The following RSPO4 variants were observed in gnomAD, a reference collection of about 807,000 sequenced individuals.
The protein encoded by RSPO4 is R-spondin-4.
A neutral mutation model predicts 24.8 loss-of-function variants in RSPO4; 23 were observed. That is an observed-to-expected ratio of 0.93 (90% CI 0.67 to 1.31). RSPO4 has a LOEUF of 1.31. Among genes scored for constraint, RSPO4 ranks in the 40% most tolerant of loss-of-function variants. The pLI is 0.00. For synonymous variants in RSPO4, 141 were observed against 127.4 expected, an observed-to-expected ratio of 1.11 and a Z score of -0.72; for missense variants, 333 against 316.5, an observed-to-expected ratio of 1.05 and a Z score of -0.39.
intron 1 of RSPO4, among the ~76,000 whole-genome samples, chr20:999,707 C>T (rs989736937): frequency 6.6e-6 from 1 of 152,112 alleles, no homozygotes. Flanking sequence ...CAAATTGCGG[C>T]CATATCCCTA....
chr20:962,252 T>C (rs1984021631), intron 4 of RSPO4, among the ~76,000 whole-genome samples: 1 of 151,968 alleles, frequency 6.6e-6, no homozygotes, highest in African/African-American at 2.4e-5. Context: ...TGATGGAAAA[T>C]GACTCCGGGG....
chr20:984,117 C>T (rs1984826821), intron 1 of RSPO4, among the ~76,000 whole-genome samples: 1 of 152,102 alleles, frequency 6.6e-6, no homozygotes, highest in Non-Finnish European at 1.5e-5. Context: ...GCGGGTGGAT[C>T]ATGAGGTCAG....
At position 960,347 on chromosome 20, in the gene RSPO4, G is replaced by C. The variant is rs534275132; in HGVS notation, c.*10C>G. 95 of 1,528,634 alleles carry C rather than the reference G, an allele frequency of 6.2e-5. No individual in the cohort carries two copies. The African/African-American group carries it at 1.1e-3, about 18-fold the overall frequency. 94.7% of individuals were successfully genotyped at this position (1,528,634 alleles called of 1,614,324 possible). On this transcript the variant is annotated 3_prime_UTR_variant, in exon 5 of 5. Transcript: ENST00000217260. ...GAGGACTAGGACCAGAGAGTCGGGAGAGCCGGCGGTCAGGGCTGCAGGCCG... is the reference window on the plus strand; with the variant it reads ...GAGGACTAGGACCAGAGAGTCGGGACAGCCGGCGGTCAGGGCTGCAGGCCG...
Position 960,313 on chromosome 20 carries a change from G to T in RSPO4, c.*44C>A. 1 of 1,282,774 alleles carries T rather than the reference G, an allele frequency of 7.8e-7. No homozygotes were observed. Among genetic ancestry groups the T allele is most frequent in the Non-Finnish European group, 1.1e-6 (1 of 915,862 alleles). The allele number at this position is 1,282,774 out of a possible 1,614,324, so 79.5% of individuals were successfully genotyped here. A position where few individuals can be genotyped will look rare whatever the true frequency, so the allele number is the denominator to read the frequency against. Reference sequence around the variant, plus strand: ...GAGGAGAAGGAGCAGGAGGAGGTGTGCAGGGGCCGAGGACTAGGACCAGAG... The same window carrying T: ...GAGGAGAAGGAGCAGGAGGAGGTGTTCAGGGGCCGAGGACTAGGACCAGAG... On this transcript the variant is annotated 3_prime_UTR_variant, in exon 5 of 5. Coordinates refer to ENST00000217260, the MANE Select transcript of RSPO4 (RefSeq NM_001029871.4).
Position 967,984 on chromosome 20 carries a change from G to A in RSPO4, c.234C>T (p.Phe78=), listed in dbSNP as rs148789929. 4.6e-5 allele frequency: 75 copies of A among 1,614,244 alleles called. No individual in the cohort carries two copies. The East Asian group carries it at 1.5e-3, about 33-fold the overall frequency. Reference sequence around the variant, plus strand: ...TGTTGACCTCCTGGCCGCGGATGCCGAAGTACCCAGGGGGACAGTCGTGCA... The same window carrying A: ...TGTTGACCTCCTGGCCGCGGATGCCAAAGTACCCAGGGGGACAGTCGTGCA... ...KCLHDCPPGY[F]GIRGQEVNRC... is the part of the protein sequence containing the mutation. Residue 78 remains phenylalanine, a synonymous_variant, in exon 2 of 5, where the codon TTC becomes TTT. Coordinates refer to ENST00000217260, the MANE Select transcript of RSPO4 (RefSeq NM_001029871.4).
intron 3 of RSPO4, among the ~76,000 whole-genome samples, chr20:966,451 C>CT (rs368238797): frequency 0.041 from 6,031 of 147,928 alleles, 235 homozygotes; most frequent in East Asian, 0.22. Context: ...GTTCTATTGT[C>CT]TTTTTTTTTT....
intron 1 of RSPO4, among the ~76,000 whole-genome samples, chr20:969,491 C>G (rs760166975): frequency 1.3e-5 from 2 of 152,202 alleles, no homozygotes; most frequent in Non-Finnish European, 2.9e-5. Flanking sequence ...AAACTCATGT[C>G]CATAGCCCTG....
At chr20:993,846 C>T (rs112616207) in intron 1 of RSPO4, among the ~76,000 whole-genome samples, 3,079 of 152,208 alleles carry the variant, frequency 0.02, 53 homozygotes, top group Middle Eastern at 0.12. Context: ...AATAACAGGC[C>T]CCTCAGAGGG....
intron 1 of RSPO4, among the ~76,000 whole-genome samples, chr20:980,226 G>T (rs1281362634): frequency 1.3e-5 from 2 of 152,058 alleles, no homozygotes; most frequent in Non-Finnish European, 2.9e-5. Flanking sequence ...GAACCTGAGG[G>T]TTATCCTCAG....
chr20:989,413 C>T (rs1185042635), intron 1 of RSPO4, among the ~76,000 whole-genome samples: 1 of 152,244 alleles, frequency 6.6e-6, no homozygotes, highest in Non-Finnish European at 1.5e-5. Flanking sequence ...GAGCACCTGG[C>T]TGTGTGCCCA....
intron 1 of RSPO4, among the ~76,000 whole-genome samples, chr20:982,794 T>G (rs1984781146): frequency 6.6e-6 from 1 of 152,242 alleles, no homozygotes; most frequent in African/African-American, 2.4e-5. Flanking sequence ...TGCTGGCTGC[T>G]AATTCCCTCT....
At chr20:990,966 T>C (rs1196072297) in intron 1 of RSPO4, among the ~76,000 whole-genome samples, 1 of 152,180 alleles carries the variant, frequency 6.6e-6, no homozygotes, top group Admixed American at 6.5e-5. Context: ...AGGAGCATTG[T>C]CGCAACTGAG....
chr20:992,263 CTTT>C (rs35286852), intron 1 of RSPO4, among the ~76,000 whole-genome samples: 5 of 123,478 alleles, frequency 4.0e-5, no homozygotes, highest in Admixed American at 8.3e-5. Context: ...GGTCCACTTT[CTTT>C]TTTTTTTTTT....
chr20:960,610 C>T (rs1051485760), intron 4 of RSPO4, 144 bp from the exon 5 acceptor site: 3 of 696,962 alleles, frequency 4.3e-6, no homozygotes, highest in African/African-American at 1.8e-5. Context: ...CTTGCAGTCC[C>T]TCCTGTTGAG....
Position 960,455 on chromosome 20 carries a change from C to A in RSPO4, c.607G>T (p.Gly203Cys). ...CGGTCCTTCCTGCCCTTCTTCTGGC[C>A]GGGGCTCCTCTCTGCAATGAGAGGA... Reference protein sequence around the residue: ...QRPCPGERSPGQKKGRKDRRP... With the variant: ...QRPCPGERSPCQKKGRKDRRP... The change falls in exon 5 of 5, where the codon GGC (glycine) becomes TGC (cysteine). Residue 203 changes from glycine (G) to cysteine (C), a missense_variant. By Grantham distance (159) the Gly-to-Cys change is radical (BLOSUM62 -3). Coordinates refer to ENST00000217260, the MANE Select transcript of RSPO4 (RefSeq NM_001029871.4). 1 of 1,539,152 alleles carries A rather than the reference C, an allele frequency of 6.5e-7. No individual in the cohort carries two copies. The highest frequency in any genetic ancestry group is 1.2e-5 in the South Asian group (1 of 84,078).
chr20:1,002,014 G>C lies in RSPO4; in HGVS notation c.79+72C>G. 1 of 1,352,762 alleles carries C rather than the reference G, an allele frequency of 7.4e-7. No homozygotes were observed. The highest frequency in any genetic ancestry group is 1.0e-6 in the Non-Finnish European group (1 of 976,640). 83.8% of individuals were successfully genotyped at this position (1,352,762 alleles called of 1,614,324 possible). On this transcript the variant is annotated intron_variant, in intron 1 of 4. Coordinates refer to ENST00000217260, the MANE Select transcript of RSPO4 (RefSeq NM_001029871.4). The surrounding 1 kb of genome is among the most constrained non-coding windows in gnomAD (Gnocchi z 4.6). ...CCAGGCAGATGCCCCCAGAGCCGCC[G>C]CCCCCGGTCCTCCGGCCCCCGGTCT...
chr20:994,465 C>T (rs560268051), intron 1 of RSPO4, among the ~76,000 whole-genome samples: 1 of 152,296 alleles, frequency 6.6e-6, no homozygotes, highest in South Asian at 2.1e-4. Flanking sequence ...ACTCTAGAGG[C>T]CCTTAAGAGG....
intron 3 of RSPO4, among the ~76,000 whole-genome samples, chr20:966,723 T>C (rs1370832659): frequency 1.3e-5 from 2 of 152,110 alleles, no homozygotes; most frequent in Non-Finnish European, 2.9e-5. Context: ...GCTGTTGTGG[T>C]ACATGCCTGT....
Position 960,256 on chromosome 20 carries a change from G to T in RSPO4, c.*101C>A. 1 of 742,568 alleles carries T rather than the reference G, an allele frequency of 1.3e-6. No individual in the cohort carries two copies. Among genetic ancestry groups the T allele is most frequent in the South Asian group, 1.5e-5 (1 of 66,966 alleles). The allele number at this position is 742,568 out of a possible 1,614,324, so 46.0% of individuals were successfully genotyped here. ...GGTGGAAAGAAAGAGAGGACAAATGGAGAAGACAGAGGAGAAAGAGTAAGA... is the reference window on the plus strand; with the variant it reads ...GGTGGAAAGAAAGAGAGGACAAATGTAGAAGACAGAGGAGAAAGAGTAAGA... On this transcript the variant is annotated 3_prime_UTR_variant, in exon 5 of 5. Transcript: ENST00000217260.
Sources: gnomAD v4.1 joint callset for allele counts (sites outside exome capture counted in the v4.1 genomes callset) on GRCh38, gnomAD v4.1.1 for gene constraint, Gnocchi (gnomAD v3.1) non-coding constraint, MANE v1.5 for transcripts, NCBI Gene and HGNC (gene_info 2026-07-23, HGNC 2026-07-21) for gene names.